The following WDPCP variants were observed in gnomAD, a reference collection of about 807,000 sequenced individuals.
WDPCP encodes WD repeat-containing and planar cell polarity effector protein fritz homolog.
In WDPCP, 71 loss-of-function variants were observed where a neutral mutation model predicts 93.1. The ratio of observed to expected loss-of-function variants is 0.76; its 90% CI spans 0.63 to 0.93. The LOEUF (loss-of-function observed/expected upper bound fraction) is 0.93, where lower values mean the gene tolerates loss of function less well. WDPCP is among the 40% of genes least tolerant of loss of function. The pLI is 0.00. For missense variants in WDPCP, 844 were observed against 887.4 expected (o/e 0.95, Z 0.62); for synonymous variants, 315 against 315.0 (o/e 1.00, Z 0.00).
At chr2:63,198,382 A>G (rs1250619386) in intron 14 of WDPCP, among the ~76,000 whole-genome samples, 1 of 151,758 alleles carries the variant, frequency 6.6e-6, no homozygotes, top group Admixed American at 6.6e-5. Context: ...ATATTCCCAG[A>G]TTTTTTTTTA....
At chr2:63,710,088 CTTTTTGTCCT>C (rs2103748208) in intron 2 of WDPCP, among the ~76,000 whole-genome samples, 1 of 152,284 alleles carries the variant, frequency 6.6e-6, no homozygotes, top group African/African-American at 2.4e-5. Context: ...TCCGGATCTA[CTTTTTGTCCT>C]TTTCTACCCT....
chr2:63,596,516 G>A (rs1709314958), intron 3 of WDPCP, among the ~76,000 whole-genome samples: 2 of 152,162 alleles, frequency 1.3e-5, no homozygotes, highest in African/African-American at 4.8e-5. Flanking sequence ...GGCCCAGATT[G>A]CTGTTGGTTT....
At chr2:63,127,698 C>T (rs1399927197) in intron 17 of WDPCP, among the ~76,000 whole-genome samples, 4 of 140,710 alleles carry the variant, frequency 2.8e-5, no homozygotes, top group Non-Finnish European at 6.2e-5. Context: ...TATATATACG[C>T]ACACACACAC....
At chr2:63,682,443 G>A (rs1025993240) in intron 2 of WDPCP, among the ~76,000 whole-genome samples, 2 of 152,038 alleles carry the variant, frequency 1.3e-5, no homozygotes, top group Non-Finnish European at 2.9e-5. Context: ...TGAGGAAGAA[G>A]AATTAGTGAG....
intron 17 of WDPCP, among the ~76,000 whole-genome samples, chr2:63,152,516 C>T (rs1265869730): frequency 6.6e-6 from 1 of 152,170 alleles, no homozygotes; most frequent in Non-Finnish European, 1.5e-5. Context: ...AAGTGATCCA[C>T]CTGCCTCGGC....
At chr2:63,326,543 G>A (rs572988224) in intron 12 of WDPCP, among the ~76,000 whole-genome samples, 7 of 134,498 alleles carry the variant, frequency 5.2e-5, no homozygotes, top group African/African-American at 1.8e-4. Context: ...AGAGGGGTAG[G>A]GAGAGACAAT....
intron 3 of WDPCP, among the ~76,000 whole-genome samples, chr2:63,606,256 C>T (rs1455973004): frequency 2.0e-5 from 3 of 152,144 alleles, no homozygotes; most frequent in Non-Finnish European, 2.9e-5. Flanking sequence ...TGGCACACAT[C>T]TGTGGTCCTA....
intron 1 of WDPCP, among the ~76,000 whole-genome samples, chr2:63,570,699 C>A (rs1376737409): frequency 1.3e-5 from 2 of 152,136 alleles, no homozygotes; most frequent in African/African-American, 4.8e-5. Context: ...AAATGTTTCT[C>A]ATATTTCATA....
At chr2:63,768,519 G>T (rs769892165) in intron 2 of WDPCP, among the ~76,000 whole-genome samples, 6 of 151,852 alleles carry the variant, frequency 4.0e-5, no homozygotes, top group Non-Finnish European at 7.4e-5. Context: ...CAATCATTTG[G>T]GTATTGGTTA....
At chr2:63,657,367 G>A (rs559593650) in intron 2 of WDPCP, among the ~76,000 whole-genome samples, 1 of 152,068 alleles carries the variant, frequency 6.6e-6, no homozygotes, top group South Asian at 2.1e-4. Flanking sequence ...ACCAAGCCCG[G>A]CTAATTTTTT....
In WDPCP at chr2:63,733,356, C is replaced by T. The variant is rs113438594; in HGVS notation, n.308+80266G>A. On this transcript the variant is annotated intron_variant and non_coding_transcript_variant, in intron 2 of 4. Transcript: ENST00000467687. ...CTGGGACTACAGGTGCCCGCCACCG[C>T]GCCCGGCTAATTTTTTGTATTTTTT... is the stretch of plus-strand genomic sequence containing the variant. Among the ~76,000 whole-genome samples the T allele has an allele frequency of 1.3e-3, 187 of 149,412 alleles. 3 individuals are homozygous for T. Among genetic ancestry groups the T allele is most frequent in the African/African-American group, 4.2e-3 (171 of 40,712 alleles).
chr2:63,470,143 C>T (rs1247922480), intron 6 of WDPCP, among the ~76,000 whole-genome samples: 1 of 152,176 alleles, frequency 6.6e-6, no homozygotes, highest in Non-Finnish European at 1.5e-5. Flanking sequence ...TAGTGGACTC[C>T]AGGGCTCCAC....
chr2:63,334,545 G>A (rs947032668), intron 12 of WDPCP, among the ~76,000 whole-genome samples: 2 of 152,140 alleles, frequency 1.3e-5, no homozygotes, highest in African/African-American at 2.4e-5. Flanking sequence ...AACTTGATTA[G>A]CCTCTCCAAA....
At chr2:63,163,477 T>C (rs1351473786) in intron 15 of WDPCP, among the ~76,000 whole-genome samples, 1 of 152,202 alleles carries the variant, frequency 6.6e-6, no homozygotes, top group African/African-American at 2.4e-5. Context: ...TTATGTAATA[T>C]ACATTAAAGC....
chr2:63,769,060 T>C (rs925842806), intron 2 of WDPCP, among the ~76,000 whole-genome samples: 5 of 152,028 alleles, frequency 3.3e-5, no homozygotes, highest in Non-Finnish European at 4.4e-5. Context: ...ATAACTACTC[T>C]GAGTTTCTGA....
chr2:63,504,651 T>G (rs555339358), intron 1 of WDPCP, among the ~76,000 whole-genome samples: 9 of 152,130 alleles, frequency 5.9e-5, no homozygotes, highest in African/African-American at 2.2e-4. Flanking sequence ...AATGGAGCCT[T>G]TTGACCCCTG....
At chr2:63,205,572 T>C (rs1676278387) in intron 14 of WDPCP, among the ~76,000 whole-genome samples, 1 of 152,204 alleles carries the variant, frequency 6.6e-6, no homozygotes, top group East Asian at 1.9e-4. Context: ...CTAGGTATTT[T>C]ATTTTATTTG....
rs1466788995 is a variant in WDPCP, at chr2:63,407,462, A to G, written c.826-2805T>C. On this transcript the variant is annotated intron_variant, in intron 9 of 17. Coordinates refer to ENST00000272321, the MANE Select transcript of WDPCP (RefSeq NM_015910.7). ...GGACATGATCTGCTTTGCAAATTCC[A>G]GTATTATCTCCTACAGTCTCCCCTC... 2.0e-5 allele frequency among the ~76,000 whole-genome samples: 3 copies of G among 152,172 alleles called. No homozygotes were observed. The East Asian group carries it at 5.8e-4, about 29-fold the overall frequency.
At chr2:63,442,051 TC>T (rs2105543077) in intron 6 of WDPCP, 1 of 152,272 alleles carries the variant, frequency 6.6e-6, no homozygotes, top group South Asian at 2.1e-4. Context: ...AGGTGGTGAC[TC>T]TTGAGATTGA....
Sources: gnomAD v4.1 joint callset for allele counts (sites outside exome capture counted in the v4.1 genomes callset) on GRCh38, gnomAD v4.1.1 for gene constraint, MANE v1.5 for transcripts, NCBI Gene and HGNC (gene_info 2026-07-23, HGNC 2026-07-21) for gene names.